JAM3: variants seen among roughly 807,000 people sequenced by gnomAD.
JAM3 encodes the protein junctional adhesion molecule C.
In JAM3, 31 loss-of-function variants were observed where a neutral mutation model predicts 39.4. That is an observed-to-expected ratio of 0.79 (90% CI 0.59 to 1.06). JAM3 has a LOEUF of 1.06. Among genes scored for constraint, JAM3 ranks in the 50% least tolerant of loss-of-function variants. JAM3 has a pLI of 0.00. For synonymous variants in JAM3, 182 were observed against 148.7 expected (o/e 1.22, Z -1.63); for missense variants, 455 against 391.4 (o/e 1.16, Z -1.37).
intron 1 of JAM3, among the ~76,000 whole-genome samples, chr11:134,119,353 T>C (rs1219513223): frequency 6.6e-6 from 1 of 152,254 alleles, no homozygotes; most frequent in Non-Finnish European, 1.5e-5. Context: ...TACATGGTAC[T>C]GCTCTGACTC....
intron 1 of JAM3, among the ~76,000 whole-genome samples, chr11:134,126,021 C>T (rs143229466): frequency 5.7e-4 from 87 of 152,276 alleles, no homozygotes; most frequent in African/African-American, 1.9e-3. Context: ...CTGTCCTTCT[C>T]TCTCTGCACA....
intron 1 of JAM3, among the ~76,000 whole-genome samples, chr11:134,091,280 G>A (rs760237877): frequency 6.6e-6 from 1 of 152,048 alleles, no homozygotes; most frequent in Non-Finnish European, 1.5e-5. Context: ...TGGATCATGA[G>A]GTCAGGAGAT....
chr11:134,093,214 C>A (rs1448002765), intron 1 of JAM3, among the ~76,000 whole-genome samples: 1 of 134,942 alleles, frequency 7.4e-6, no homozygotes, highest in Non-Finnish European at 1.6e-5. Flanking sequence ...TTCCACCTTA[C>A]ATCTTATTCA....
intron 6 of JAM3, 35 bp from the exon 7 acceptor site, chr11:134,148,512 G>T (rs753087518): frequency 2.5e-6 from 4 of 1,613,990 alleles, no homozygotes; most frequent in Middle Eastern, 1.7e-4. Flanking sequence ...CAGATAGTGT[G>T]TATCATGGCT....
At chr11:134,148,417 G>A (rs1340387571) in intron 6 of JAM3, 130 bp from the exon 7 acceptor site, 1 of 1,051,088 alleles carries the variant, frequency 9.5e-7, no homozygotes, top group Non-Finnish European at 1.5e-6. Flanking sequence ...CTCTCTTCTA[G>A]CTGGGGTAGG....
intron 1 of JAM3, among the ~76,000 whole-genome samples, chr11:134,132,964 CCTGT>C (rs201556933): frequency 3.9e-5 from 6 of 152,302 alleles, no homozygotes; most frequent in Middle Eastern, 3.4e-3. Flanking sequence ...TCTTTATCTG[CCTGT>C]CTGTCTCTCC....
chr11:134,149,149 G>C lies in JAM3; in HGVS notation c.901G>C (p.Asp301His). 6.2e-7 allele frequency: 1 copy of C among 1,613,994 alleles called. No homozygotes were observed. The highest frequency in any genetic ancestry group is 8.5e-7 in the Non-Finnish European group (1 of 1,179,876). The change falls in exon 9 of 9, where the codon GAC (aspartate) becomes CAC (histidine). Residue 301 changes from aspartate (D) to histidine (H), a missense_variant. Physicochemically the swap from Asp to His is moderately conservative, Grantham distance 81. Coordinates refer to ENST00000299106, the MANE Select transcript of JAM3 (RefSeq NM_032801.5). Reference sequence around the variant, plus strand: ...TAACTGTGTGTTGGCTTTGCAGGGCGACTTCAGACACAAGTCATCGTTTGT... The same window carrying C: ...TAACTGTGTGTTGGCTTTGCAGGGCCACTTCAGACACAAGTCATCGTTTGT... Reference protein sequence around the residue: ...VNYIRTDEEGDFRHKSSFVI With the variant: ...VNYIRTDEEGHFRHKSSFVI
intron 1 of JAM3, among the ~76,000 whole-genome samples, chr11:134,135,938 C>G (rs749525514): frequency 1.6e-4 from 24 of 151,892 alleles, no homozygotes; most frequent in Non-Finnish European, 3.4e-4. Flanking sequence ...GGTGTGGTGG[C>G]AGGCACCTGT....
At chr11:134,097,672 G>C (rs192666202) in intron 1 of JAM3, among the ~76,000 whole-genome samples, 138 of 152,154 alleles carry the variant, frequency 9.1e-4, no homozygotes, top group African/African-American at 3.1e-3. Context: ...TTAAAATTAT[G>C]TTTCATTTAA....
intron 1 of JAM3, among the ~76,000 whole-genome samples, chr11:134,137,165 T>C (rs1002793318): frequency 4.6e-5 from 7 of 151,892 alleles, no homozygotes; most frequent in Non-Finnish European, 8.8e-5. Flanking sequence ...TTTGCCATAA[T>C]GCAGAGGGAT....
intron 1 of JAM3, among the ~76,000 whole-genome samples, chr11:134,069,741 G>T (rs1228756656): frequency 1.3e-5 from 2 of 152,208 alleles, no homozygotes. Flanking sequence ...ACGGTGAGCG[G>T]GGGACGTAGC....
intron 1 of JAM3, among the ~76,000 whole-genome samples, chr11:134,106,694 A>G (rs183561519): frequency 1.3e-5 from 2 of 152,380 alleles, no homozygotes; most frequent in Admixed American, 6.5e-5. Flanking sequence ...CACTTCTCAA[A>G]AGAAAACATT....
rs533796592 is a variant in JAM3 at position 134,129,509 on chromosome 11, G to A, written c.77-10342G>A. Among the ~76,000 whole-genome samples, 3 of 152,150 alleles carry A rather than the reference G, an allele frequency of 2.0e-5. No homozygotes were observed. The East Asian group carries it at 5.8e-4, about 29-fold the overall frequency. ...CATTAATTACTGTCTCAAATTTAAAGCCTTTAAATTTGAAACTTGCTATTC... is the reference window on the plus strand; with the variant it reads ...CATTAATTACTGTCTCAAATTTAAAACCTTTAAATTTGAAACTTGCTATTC... On this transcript the variant is annotated intron_variant, in intron 1 of 8. Coordinates refer to ENST00000299106, the MANE Select transcript of JAM3 (RefSeq NM_032801.5).
At chr11:134,110,122 CT>C (rs1355462302) in intron 1 of JAM3, among the ~76,000 whole-genome samples, 2 of 152,216 alleles carry the variant, frequency 1.3e-5, no homozygotes, top group African/African-American at 4.8e-5. Flanking sequence ...TAAGATACCA[CT>C]GTGCATCTAT....
intron 1 of JAM3, among the ~76,000 whole-genome samples, chr11:134,132,427 G>T (rs758329631): frequency 6.6e-6 from 1 of 152,110 alleles, no homozygotes; most frequent in African/African-American, 2.4e-5. Flanking sequence ...ATATGAAAGG[G>T]AGACCCGCAG....
At chr11:134,103,713 C>T (rs1180998472) in intron 1 of JAM3, among the ~76,000 whole-genome samples, 2 of 152,092 alleles carry the variant, frequency 1.3e-5, no homozygotes, top group Non-Finnish European at 2.9e-5. Flanking sequence ...GGGTTGCAAT[C>T]CTAGTCTCTG....
chr11:134,069,492 G>C (rs1164834632), intron 1 of JAM3, among the ~76,000 whole-genome samples: 1 of 151,622 alleles, frequency 6.6e-6, no homozygotes, highest in Non-Finnish European at 1.5e-5. Flanking sequence ...CCTGTGCTGG[G>C]CGGTGGGCTC....
intron 1 of JAM3, among the ~76,000 whole-genome samples, chr11:134,087,195 A>T (rs912944986): frequency 2.6e-5 from 4 of 152,038 alleles, no homozygotes; most frequent in African/African-American, 9.7e-5. Context: ...ATGAAGTATT[A>T]CAATGAAGGA....
chr11:134,083,211 A>C (rs148536160), intron 1 of JAM3, among the ~76,000 whole-genome samples: 1 of 152,244 alleles, frequency 6.6e-6, no homozygotes, highest in African/African-American at 2.4e-5. Context: ...CATATGAAAA[A>C]TAGGACAAAA....
Sources: allele counts gnomAD v4.1 joint callset (sites outside exome capture counted in the v4.1 genomes callset), GRCh38; gene constraint gnomAD v4.1.1; transcripts MANE v1.5; gene names NCBI Gene and HGNC (gene_info 2026-07-23, HGNC 2026-07-21).